Variants in SRRM4 observed in about 807,000 individuals in gnomAD.
SRRM4 encodes serine/arginine repetitive matrix protein 4.
In SRRM4, 33 loss-of-function variants were observed where a neutral mutation model predicts 68.9. The ratio of observed to expected loss-of-function variants is 0.48; its 90% CI spans 0.36 to 0.64. The LOEUF (loss-of-function observed/expected upper bound fraction) is 0.64. Among genes scored for constraint, SRRM4 ranks in the 30% least tolerant of loss-of-function variants. The pLI, the probability that SRRM4 is intolerant of heterozygous loss-of-function variation, is 0.00. For missense variants in SRRM4, 817 were observed against 827.1 expected (o/e 0.99, Z 0.15); for synonymous variants, 318 against 318.8 (o/e 1.00, Z 0.03).
intron 1 of SRRM4, among the ~76,000 whole-genome samples, chr12:119,041,156 C>T (rs1295697236): frequency 6.6e-6 from 1 of 152,116 alleles, no homozygotes; most frequent in Non-Finnish European, 1.5e-5. Flanking sequence ...ACTCGTATTA[C>T]CCCTGTCCTT....
intron 9 of SRRM4, among the ~76,000 whole-genome samples, chr12:119,147,512 C>A (rs1954411536): frequency 6.6e-6 from 1 of 152,158 alleles, no homozygotes; most frequent in Non-Finnish European, 1.5e-5. Flanking sequence ...AGCAAATGGA[C>A]CACGTTGGTG....
At chr12:119,120,114 T>C (rs2136051572) in intron 4 of SRRM4, 136 bp from the exon 5 acceptor site, 1 of 576,726 alleles carries the variant, frequency 1.7e-6, no homozygotes. Flanking sequence ...CCTCCCTTCC[T>C]TCACCATCCC....
intron 1 of SRRM4, among the ~76,000 whole-genome samples, chr12:119,079,481 T>C (rs763975731): frequency 2.4e-4 from 37 of 152,190 alleles, no homozygotes; most frequent in Admixed American, 1.1e-3. Context: ...ATAGCAGGGA[T>C]ACTTGTCAGA....
At chr12:119,032,539 AT>A (rs76572494) in intron 1 of SRRM4, among the ~76,000 whole-genome samples, 5,674 of 152,184 alleles carry the variant, frequency 0.037, 184 homozygotes, top group East Asian at 0.13. Flanking sequence ...GTTGTGGCCC[AT>A]TTCTCTCTTT....
chr12:119,123,792 GC>G (rs1954238907), intron 6 of SRRM4, among the ~76,000 whole-genome samples: 2 of 152,214 alleles, frequency 1.3e-5, no homozygotes, highest in South Asian at 4.1e-4. Context: ...CCTTAATGAG[GC>G]CCTACTATGT....
intron 2 of SRRM4, among the ~76,000 whole-genome samples, chr12:119,111,580 C>T (rs1954143955): frequency 6.6e-6 from 1 of 152,090 alleles, no homozygotes; most frequent in Admixed American, 6.6e-5. Context: ...AAGTTTTTCT[C>T]CTTTCATTTT....
chr12:119,130,900 A>G lies in SRRM4; in HGVS notation c.771+66A>G. The G allele has an allele frequency of 6.0e-6, 9 of 1,504,560 alleles. No homozygotes were observed. The East Asian group carries it at 1.9e-4, about 31-fold the overall frequency. The allele number at this position is 1,504,560 out of a possible 1,614,324, so 93.2% of individuals were successfully genotyped here. On this transcript the variant is annotated intron_variant, in intron 8 of 12. Transcript: ENST00000267260. Reference sequence around the variant, plus strand: ...GACACTTGGGGAATGTGGAGGCACAAGTTCAGGGCAGTGTATGGTACACTT... The same window carrying G: ...GACACTTGGGGAATGTGGAGGCACAGGTTCAGGGCAGTGTATGGTACACTT...
At chr12:118,998,974 G>A (rs980169628) in intron 1 of SRRM4, among the ~76,000 whole-genome samples, 5 of 152,224 alleles carry the variant, frequency 3.3e-5, no homozygotes, top group African/African-American at 1.2e-4. Context: ...GGAAGGTGTT[G>A]AGTTTAAGGT....
At chr12:119,134,523 G>A (rs895415462) in intron 8 of SRRM4, among the ~76,000 whole-genome samples, 1 of 152,068 alleles carries the variant, frequency 6.6e-6, no homozygotes, top group African/African-American at 2.4e-5. Context: ...AGGAGCACCA[G>A]TACTTTCTCC....
chr12:119,006,482 C>A (rs1211935744), intron 1 of SRRM4, among the ~76,000 whole-genome samples: 2 of 152,178 alleles, frequency 1.3e-5, no homozygotes, highest in Non-Finnish European at 2.9e-5. Context: ...ACCCAGCTTC[C>A]TGGACTCCCA....
intron 1 of SRRM4, among the ~76,000 whole-genome samples, chr12:118,989,400 G>A (rs566438019): frequency 1.1e-4 from 16 of 152,196 alleles, no homozygotes; most frequent in African/African-American, 3.6e-4. Flanking sequence ...ACGGTGCAAG[G>A]GTTTGGTCTC....
At chr12:119,114,162 C>A (rs749424949) in intron 2 of SRRM4, 116 bp from the exon 3 acceptor site, 17 of 742,734 alleles carry the variant, frequency 2.3e-5, no homozygotes, top group Non-Finnish European at 3.1e-5. Context: ...TAATGAGGCA[C>A]TGGCTATAGG....
In SRRM4 at chr12:119,156,684, C is replaced by T. The variant is rs768573725; in HGVS notation, c.1722C>T (p.Ser574=). Reference sequence around the variant, plus strand: ...CGAGCAGCAGCTCTAGCTCCCGCAGCCCTAGTCCGGGCTCCCGCAGCCGGA... The same window carrying T: ...CGAGCAGCAGCTCTAGCTCCCGCAGTCCTAGTCCGGGCTCCCGCAGCCGGA... The part of the protein sequence containing the change: ...TRTSSSSSSR[S]PSPGSRSRSR... Residue 574 remains serine, a synonymous_variant, in exon 13 of 13, where the codon AGC becomes AGT. Transcript: ENST00000267260. 3.2e-6 allele frequency: 5 copies of T among 1,556,302 alleles called. No homozygotes were observed. In the Admixed American group the frequency reaches 5.8e-5, roughly 18 times the overall value.
intron 1 of SRRM4, among the ~76,000 whole-genome samples, chr12:119,059,789 A>G (rs746416018): frequency 3.3e-5 from 5 of 152,176 alleles, no homozygotes; most frequent in Non-Finnish European, 5.9e-5. Flanking sequence ...TCTACCAAGA[A>G]ATTTTTATCC....
chr12:119,084,371 G>C (rs1206952950), intron 1 of SRRM4, among the ~76,000 whole-genome samples: 1 of 152,216 alleles, frequency 6.6e-6, no homozygotes, highest in African/African-American at 2.4e-5. Flanking sequence ...ATGAGGACTA[G>C]AGTCATGCAC....
Position 119,154,394 on chromosome 12 carries a change from G to A in SRRM4, c.1532+11G>A. The A allele has an allele frequency of 6.2e-7, 1 of 1,611,546 alleles. No individual in the cohort carries two copies. The stretch of plus-strand genomic sequence containing the variant: ...CCGGAGGATAACCAGGTGAGGCCAG[G>A]GGGCAAGGGGGACCCACCTTCATCC... On this transcript the variant is annotated intron_variant, in intron 12 of 12. Transcript: ENST00000267260. The surrounding 1 kb of genome is among the most constrained non-coding windows in gnomAD (Gnocchi z 4.7).
chr12:119,158,038 T>C lies in SRRM4; in HGVS notation c.*1240T>C, dbSNP rs1954485157. 1 of 152,788 alleles carries C rather than the reference T, an allele frequency of 6.5e-6. No individual in the cohort carries two copies. The highest frequency in any genetic ancestry group is 6.6e-5 in the Admixed American group (1 of 15,266). The allele number at this position is 152,788 out of a possible 1,614,324, so 9.5% of individuals were successfully genotyped here. A position where few individuals can be genotyped will look rare whatever the true frequency, so the allele number is the denominator to read the frequency against. On this transcript the variant is annotated 3_prime_UTR_variant, in exon 13 of 13. Transcript: ENST00000267260. ...AGCTTGGGAAAGACCCACCTTTATT[T>C]TTGCCCTCACCCCAAGTCCCCCCTG...
intron 1 of SRRM4, among the ~76,000 whole-genome samples, chr12:118,993,520 T>C (rs1471433327): frequency 1.3e-5 from 2 of 152,178 alleles, no homozygotes; most frequent in African/African-American, 4.8e-5. Flanking sequence ...AGAAACACCA[T>C]GTACCCAATT....
At chr12:119,078,421 G>C (rs1264714606) in intron 1 of SRRM4, among the ~76,000 whole-genome samples, 6 of 152,152 alleles carry the variant, frequency 3.9e-5, no homozygotes, top group Non-Finnish European at 8.8e-5. Context: ...TGAATCAATG[G>C]TGTTCATTTC....
Sources: allele counts gnomAD v4.1 joint callset (sites outside exome capture counted in the v4.1 genomes callset), GRCh38; gene constraint gnomAD v4.1.1; non-coding constraint Gnocchi (gnomAD v3.1); transcripts MANE v1.5; gene names NCBI Gene and HGNC (gene_info 2026-07-23, HGNC 2026-07-21).